The following CYP2F1 variants were observed in gnomAD, a reference collection of about 807,000 sequenced individuals.
CYP2F1 encodes the protein cytochrome P450 family 2 subfamily F member 1.
Under a neutral mutation model 40.4 loss-of-function variants are expected in CYP2F1, and 33 were observed. The ratio of observed to expected loss-of-function variants is 0.82; its 90% CI spans 0.62 to 1.09. The LOEUF (loss-of-function observed/expected upper bound fraction) is 1.09. Ranked by LOEUF, CYP2F1 falls within the 50% of genes least tolerant of loss-of-function variation. CYP2F1 has a pLI of 0.00. For missense variants in CYP2F1, 566 were observed against 655.7 expected, an observed-to-expected ratio of 0.86 and a Z score of 1.49; for synonymous variants, 235 against 277.2, an observed-to-expected ratio of 0.85 and a Z score of 1.51.
At chr19:41,126,658 G>A (rs2032557180) in intron 9 of CYP2F1, among the ~76,000 whole-genome samples, 1 of 151,970 alleles carries the variant, frequency 6.6e-6, no homozygotes, top group African/African-American at 2.4e-5. Context: ...GGAGGCTGAG[G>A]TGGGATGATC....
At chr19:41,127,592 C>T (rs533664277) in intron 9 of CYP2F1, among the ~76,000 whole-genome samples, 8 of 152,248 alleles carry the variant, frequency 5.3e-5, no homozygotes, top group African/African-American at 4.8e-5. Context: ...CCTCGGCCTC[C>T]GAAAATGCTG....
intron 3 of CYP2F1, among the ~76,000 whole-genome samples, chr19:41,119,942 A>G (rs1457726464): frequency 5.3e-5 from 8 of 151,680 alleles, no homozygotes; most frequent in Non-Finnish European, 1.5e-5. Context: ...CTGTGTCGCA[A>G]AAAATAATAA....
chr19:41,125,720 T>C (rs2032516957), intron 9 of CYP2F1, 86 bp downstream of exon 9: 3 of 1,613,822 alleles, frequency 1.9e-6, no homozygotes, highest in Non-Finnish European at 2.5e-6. Flanking sequence ...TCTCACTCCT[T>C]CCTTCCACCC....
chr19:41,119,752 C>T (rs949556177), intron 3 of CYP2F1, among the ~76,000 whole-genome samples: 8,323 of 60,966 alleles, frequency 0.14, 441 homozygotes, highest in Non-Finnish European at 0.15. Flanking sequence ...TATATATACA[C>T]ACACACACAC....
intron 3 of CYP2F1, among the ~76,000 whole-genome samples, chr19:41,119,711 C>A (rs1167327471): frequency 2.8e-5 from 1 of 35,422 alleles, no homozygotes; most frequent in Admixed American, 3.7e-4. Flanking sequence ...CTCTCTCTCT[C>A]TCTCTCTCTC....
chr19:41,120,248 C>G (rs2032107915), intron 3 of CYP2F1, 99 bp from the exon 4 acceptor site: 1 of 1,245,734 alleles, frequency 8.0e-7, no homozygotes, highest in Non-Finnish European at 1.1e-6. Context: ...AGATTCCAAA[C>G]TCTGTCTCTC....
chr19:41,122,550 T>C (rs1460964951), intron 6 of CYP2F1, among the ~76,000 whole-genome samples: 1 of 151,364 alleles, frequency 6.6e-6, no homozygotes, highest in Non-Finnish European at 1.5e-5. Context: ...ACATACATCA[T>C]ACATACATAC....
Position 41,121,616 on chromosome 19 carries a change from G to A in CYP2F1, c.643G>A (p.Glu215Lys), listed in dbSNP as rs757859983. The A allele has an allele frequency of 7.5e-6, 12 of 1,609,224 alleles. No homozygotes were observed. The African/African-American group carries it at 8.3e-5, about 11-fold the overall frequency. Residue 215 changes from glutamate (E) to lysine (K), a missense_variant and splice_region_variant, in exon 5 of 10, where the codon GAG becomes AAG. This residue lies in a region of CYP2F1 where 264 missense variants were observed against 275.7 expected (regional missense o/e 0.96). Transcript: ENST00000331105. ...CCAAATCATGAGCAGCCCCTGGGGC[G>A]AGGTCAGCCAACTGAGTCCAGCAGG... ...NFQIMSSPWGELYDIFPSLLD... is the reference protein window; with the variant it reads ...NFQIMSSPWGKLYDIFPSLLD...
At chr19:41,127,554 A>C (rs3901000) in intron 9 of CYP2F1, among the ~76,000 whole-genome samples, 1 of 152,048 alleles carries the variant, frequency 6.6e-6, no homozygotes, top group African/African-American at 2.4e-5. Context: ...GGCTGCTCTC[A>C]AACTCCTGGG....
intron 3 of CYP2F1, among the ~76,000 whole-genome samples, chr19:41,119,877 G>A (rs576753738): frequency 6.6e-6 from 1 of 151,038 alleles, no homozygotes; most frequent in African/African-American, 2.4e-5. Context: ...GGAGGCGGAG[G>A]GTGCAGCAAG....
intron 3 of CYP2F1, among the ~76,000 whole-genome samples, chr19:41,118,639 CTG>C (rs1414734090): frequency 6.6e-6 from 1 of 152,150 alleles, no homozygotes; most frequent in Non-Finnish European, 1.5e-5. Context: ...CAGAAAACAT[CTG>C]GATGGGTACA....
intron 5 of CYP2F1, 83 bp downstream of exon 5, chr19:41,121,701 G>A: frequency 7.3e-7 from 1 of 1,363,594 alleles, no homozygotes; most frequent in Admixed American, 1.9e-5. Context: ...CGGGGAAAGG[G>A]CTGTGAATGG....
At chr19:41,126,060 G>A (rs1326279666) in intron 9 of CYP2F1, among the ~76,000 whole-genome samples, 1 of 151,988 alleles carries the variant, frequency 6.6e-6, no homozygotes, top group Non-Finnish European at 1.5e-5. Flanking sequence ...TTGAACCCAG[G>A]AGGCGGAGGT....
Position 41,127,944 on chromosome 19 carries a change from C to G in CYP2F1, c.1338C>G (p.Leu446=), listed in dbSNP as rs764847833. The change falls in exon 10 of 10, where the codon CTC becomes CTG. Residue 446 remains leucine, a synonymous_variant. Transcript: ENST00000331105. The part of the protein sequence containing the change: ...CLGESLARME[L]FLYLTAILQS... ...GAGAGTCGCTGGCGCGCATGGAGCT[C>G]TTTCTGTACCTCACCGCCATCCTGC... is the stretch of plus-strand genomic sequence containing the variant. 86 of 1,613,260 alleles carry G rather than the reference C, an allele frequency of 5.3e-5. No individual in the cohort carries two copies. In the Admixed American group the frequency reaches 1.4e-3, roughly 27 times the overall value.
chr19:41,118,317 G>A (rs576516560), intron 3 of CYP2F1, among the ~76,000 whole-genome samples: 71 of 151,904 alleles, frequency 4.7e-4, no homozygotes, highest in African/African-American at 1.6e-3. Flanking sequence ...AAGGAAGGAA[G>A]GATGGAAGGA....
intron 4 of CYP2F1, among the ~76,000 whole-genome samples, chr19:41,120,999 T>C (rs1456623243): frequency 2.6e-5 from 4 of 152,072 alleles, no homozygotes; most frequent in Non-Finnish European, 5.9e-5. Context: ...CAGGATTATG[T>C]AGCTGTATGC....
intron 7 of CYP2F1, 22 bp downstream of exon 7, chr19:41,122,985 G>T: frequency 1.9e-6 from 3 of 1,603,390 alleles, no homozygotes; most frequent in Non-Finnish European, 2.6e-6. Flanking sequence ...CCACACAGCA[G>T]CGTGGAGGTG....
At chr19:41,125,297 A>G (rs974308385) in intron 8 of CYP2F1, 196 bp from the exon 9 acceptor site, 5 of 596,910 alleles carry the variant, frequency 8.4e-6, no homozygotes, top group African/African-American at 1.9e-5. Flanking sequence ...AAAGTCCCCA[A>G]TAATACAGCA....
chr19:41,119,562 G>A, intron 3 of CYP2F1, among the ~76,000 whole-genome samples: 1 of 151,768 alleles, frequency 6.6e-6, no homozygotes, highest in East Asian at 1.9e-4. Flanking sequence ...TCCTTGCCAT[G>A]CCTGTAATCC....
Sources: allele counts gnomAD v4.1 joint callset (sites outside exome capture counted in the v4.1 genomes callset), GRCh38; gene constraint gnomAD v4.1.1; regional missense constraint gnomAD v4.1.1; transcripts MANE v1.5; gene names NCBI Gene and HGNC (gene_info 2026-07-23, HGNC 2026-07-21).